The following RHBDD3 variants were observed in gnomAD, a reference collection of about 807,000 sequenced individuals.
RHBDD3 encodes the protein rhomboid domain-containing protein 3.
A neutral mutation model predicts 32.3 loss-of-function variants in RHBDD3; 34 were observed. That is an observed-to-expected ratio of 1.05 (90% CI 0.80 to 1.40). The LOEUF (loss-of-function observed/expected upper bound fraction) is 1.40. RHBDD3 is among the 40% of genes most tolerant of loss of function. RHBDD3 has a pLI of 0.00. For missense variants in RHBDD3, 482 were observed against 492.6 expected, an observed-to-expected ratio of 0.98 and a Z score of 0.20; for synonymous variants, 249 against 239.1, an observed-to-expected ratio of 1.04 and a Z score of -0.38.
Position 29,261,137 on chromosome 22 carries a change from A to G in RHBDD3, c.533-273T>C, listed in dbSNP as rs2058112981. 4 of 597,430 alleles carry G rather than the reference A, an allele frequency of 6.7e-6. No individual in the cohort carries two copies. In the African/African-American group the frequency reaches 7.3e-5, roughly 11 times the overall value. 37.0% of individuals were successfully genotyped at this position (597,430 alleles called of 1,614,324 possible). A position where few individuals can be genotyped will look rare whatever the true frequency, so the allele number is the denominator to read the frequency against. On this transcript the variant is annotated intron_variant, in intron 4 of 6. Coordinates refer to ENST00000216085, the MANE Select transcript of RHBDD3 (RefSeq NM_012265.3). ...TGACCCACTCTGTTCCCAGAACCCT[A>G]TGCACCTTTTCAGGTCTGTAACTCA...
chr22:29,263,684 C>T (rs1043188627), intron 4 of RHBDD3, 151 bp downstream of exon 4: 3 of 1,367,588 alleles, frequency 2.2e-6, no homozygotes, highest in Non-Finnish European at 1.9e-6. Context: ...CAGAGCATGT[C>T]CCAGAGGAAG....
At chr22:29,260,646 G>C (rs778767126) in intron 5 of RHBDD3, 33 bp from the exon 6 acceptor site, 10 of 1,558,958 alleles carry the variant, frequency 6.4e-6, no homozygotes, top group African/African-American at 1.4e-5. Context: ...GGGCCTGACT[G>C]GCAGCCCTGC....
intron 4 of RHBDD3, chr22:29,261,437 T>A: frequency 2.3e-6 from 1 of 432,572 alleles, no homozygotes; most frequent in South Asian, 1.6e-5. Context: ...TACAAAAAAT[T>A]TTTAAAATTA....
In RHBDD3 at chr22:29,260,852, G is replaced by A. The variant is rs1233947127; in HGVS notation, c.545C>T (p.Ala182Val). The A allele has an allele frequency of 6.3e-7, 1 of 1,586,680 alleles. No individual in the cohort carries two copies. Among genetic ancestry groups the A allele is most frequent in the South Asian group, 1.2e-5 (1 of 86,842 alleles). ...LLAGLAYAAG[A>V]FRWLEPSERR... ...CTCTGAGGGTTCCAGCCACCGGAAGGCCCCAGCTGCATCTGTCTGCCCGGG... is the reference window on the plus strand; with the variant it reads ...CTCTGAGGGTTCCAGCCACCGGAAGACCCCAGCTGCATCTGTCTGCCCGGG... Residue 182 changes from alanine to valine, a missense_variant, in exon 5 of 7, where the codon GCC becomes GTC. Ala to Val is a moderately conservative substitution (Grantham distance 64). Transcript: ENST00000216085.
In RHBDD3 at chr22:29,265,495, C is replaced by T. The variant is rs372045948; in HGVS notation, c.132G>A (p.Leu44=). ...GGCCCTCACCCTGCCAGGGGTCCAG[C>T]AACAGCTCCGGGGCCAGGACCAGGC... is the stretch of plus-strand genomic sequence containing the variant. ...GPGLVLAPEL[L]LDPWQVHRLL... Residue 44 remains leucine, a synonymous_variant, in exon 3 of 7, where the codon TTG becomes TTA. Transcript: ENST00000216085. 2 of 1,536,176 alleles carry T rather than the reference C, an allele frequency of 1.3e-6. No homozygotes were observed. Among genetic ancestry groups the T allele is most frequent in the South Asian group, 2.5e-5 (2 of 80,614 alleles).
chr22:29,262,291 A>T (rs1322705170), intron 4 of RHBDD3, among the ~76,000 whole-genome samples: 4 of 151,882 alleles, frequency 2.6e-5, no homozygotes, highest in Non-Finnish European at 5.9e-5. Flanking sequence ...GGCGTGTGCC[A>T]CCACACCTGG....
At chr22:29,264,297 TTACGC>T in intron 3 of RHBDD3, 79 bp from the exon 4 acceptor site, 2 of 1,445,008 alleles carry the variant, frequency 1.4e-6, no homozygotes, top group Non-Finnish European at 1.8e-6. Context: ...AGGTTGAAGG[TTACGC>T]TACACCAGGG....
At chr22:29,264,580 G>C in intron 3 of RHBDD3, 2 of 933,538 alleles carry the variant, frequency 2.1e-6, no homozygotes, top group Non-Finnish European at 2.6e-6. Flanking sequence ...TTCAATCCTG[G>C]AGCTACCCCA....
chr22:29,264,097 C>A lies in RHBDD3; in HGVS notation c.270G>T (p.Leu90=). ...QECHLGTLRF[L]HASALLALAS... Reference sequence around the variant, plus strand: ...CCAGGGCGAGCAGGGCTGAGGCATGCAGGAATCTCAGCGTGCCCAGGTGGC... The same window carrying A: ...CCAGGGCGAGCAGGGCTGAGGCATGAAGGAATCTCAGCGTGCCCAGGTGGC... Residue 90 remains leucine (L), a synonymous_variant, in exon 4 of 7, where the codon CTG becomes CTT. Coordinates refer to ENST00000216085, the MANE Select transcript of RHBDD3 (RefSeq NM_012265.3). 1 of 1,585,792 alleles carries A rather than the reference C, an allele frequency of 6.3e-7. No individual in the cohort carries two copies. Among genetic ancestry groups the A allele is most frequent in the Non-Finnish European group, 8.6e-7 (1 of 1,167,396 alleles).
chr22:29,262,671 T>C (rs1465442042), intron 4 of RHBDD3, among the ~76,000 whole-genome samples: 1 of 152,198 alleles, frequency 6.6e-6, no homozygotes, highest in Non-Finnish European at 1.5e-5. Context: ...AGTATTCCAA[T>C]CCGTGAACAT....
intron 4 of RHBDD3, among the ~76,000 whole-genome samples, chr22:29,262,381 T>C (rs2146516158): frequency 6.6e-6 from 1 of 152,234 alleles, no homozygotes; most frequent in East Asian, 1.9e-4. Context: ...TCAAGTGATC[T>C]GTCTGCCTCG....
intron 6 of RHBDD3, 36 bp from the exon 7 acceptor site, chr22:29,260,273 G>T: frequency 8.1e-6 from 13 of 1,604,496 alleles, no homozygotes; most frequent in Non-Finnish European, 1.0e-5. Context: ...GGAGTGTCAG[G>T]GCCACCCCGG....
chr22:29,265,551 TCATCAGCAG>T lies in RHBDD3; in HGVS notation c.67_75del (p.Leu23_Met25del), dbSNP rs1210687813. ...CCGGCCCCCACCAGCCACAGGGTGC[TCATCAGCAG>T]CATCAGGACTGAGGAGGCCAGAGGC... On this transcript the variant is annotated inframe_deletion, in exon 3 of 7. Transcript: ENST00000216085. The T allele has an allele frequency of 6.3e-7, 1 of 1,587,152 alleles. No individual in the cohort carries two copies. Among genetic ancestry groups the T allele is most frequent in the Non-Finnish European group, 8.5e-7 (1 of 1,170,370 alleles).
intron 2 of RHBDD3, among the ~76,000 whole-genome samples, chr22:29,266,989 A>T (rs1318365452): frequency 1.3e-5 from 2 of 152,196 alleles, no homozygotes; most frequent in African/African-American, 4.8e-5. Flanking sequence ...CAGCTTGGCC[A>T]GTCTGTCTCC....
Position 29,260,502 on chromosome 22 carries a change from G to GC in RHBDD3, c.806dup (p.Ser270LeufsTer25). The GC allele has an allele frequency of 6.2e-7, 1 of 1,600,522 alleles. No individual in the cohort carries two copies. The highest frequency in any genetic ancestry group is 8.5e-7 in the Non-Finnish European group (1 of 1,175,700). Reference sequence around the variant, plus strand: ...CCCAGTCCAGGCCTGCCTCTGAGGAGCCCTCCCAGGTGGGCTGCACAGGCC... The same window carrying GC: ...CCCAGTCCAGGCCTGCCTCTGAGGAGCCCCTCCCAGGTGGGCTGCACAGGCC... On this transcript the variant is annotated frameshift_variant, in exon 6 of 7. Coordinates refer to ENST00000216085, the MANE Select transcript of RHBDD3 (RefSeq NM_012265.3). LOFTEE classifies it high-confidence loss of function.
Position 29,261,571 on chromosome 22 carries a change from G to T in RHBDD3, c.533-707C>A, listed in dbSNP as rs991287280. ...ATGGCGTCGCCACACTCCAGCTTGGGTGACAGAATGAGACCCTGTCTCTAA... is the reference window on the plus strand; with the variant it reads ...ATGGCGTCGCCACACTCCAGCTTGGTTGACAGAATGAGACCCTGTCTCTAA... On this transcript the variant is annotated intron_variant, in intron 4 of 6. Coordinates refer to ENST00000216085, the MANE Select transcript of RHBDD3 (RefSeq NM_012265.3). 5 of 307,512 alleles carry T rather than the reference G, an allele frequency of 1.6e-5. No homozygotes were observed. The Admixed American group carries it at 1.8e-4, about 11-fold the overall frequency. The allele number at this position is 307,512 out of a possible 1,614,324, so 19.0% of individuals were successfully genotyped here.
At chr22:29,261,211 T>C (rs2058113909) in intron 4 of RHBDD3, 1 of 532,108 alleles carries the variant, frequency 1.9e-6, no homozygotes, top group Non-Finnish European at 3.7e-6. Flanking sequence ...TGCTATTGCC[T>C]TCAGACAGGC....
In RHBDD3 at chr22:29,264,064, C is replaced by A; in HGVS notation, c.303G>T (p.Gly101=). Residue 101 remains glycine (G), a synonymous_variant, in exon 4 of 7, where the codon GGG becomes GGT. Coordinates refer to ENST00000216085, the MANE Select transcript of RHBDD3 (RefSeq NM_012265.3). ...GGCCTGCCAGCAGCACTGCCAGCAG[C>A]CCAGAAGCCAGGGCGAGCAGGGCTG... ...HASALLALAS[G]LLAVLLAGLG... The A allele has an allele frequency of 6.3e-7, 1 of 1,578,270 alleles. No individual in the cohort carries two copies. The highest frequency in any genetic ancestry group is 8.6e-7 in the Non-Finnish European group (1 of 1,163,036).
At chr22:29,266,653 T>C (rs183748575) in intron 2 of RHBDD3, among the ~76,000 whole-genome samples, 50 of 152,278 alleles carry the variant, frequency 3.3e-4, no homozygotes, top group African/African-American at 1.2e-3. Flanking sequence ...CCCGTGCTGT[T>C]CTCTTGCATC....
Sources: allele counts gnomAD v4.1 joint callset (sites outside exome capture counted in the v4.1 genomes callset), GRCh38; gene constraint gnomAD v4.1.1; transcripts MANE v1.5; gene names NCBI Gene and HGNC (gene_info 2026-07-23, HGNC 2026-07-21).